The following TMEM156 variants were observed in gnomAD, a reference collection of about 807,000 sequenced individuals.
The protein encoded by TMEM156 is transmembrane protein 156.
A neutral mutation model predicts 30.5 loss-of-function variants in TMEM156; 28 were observed. The ratio of observed to expected loss-of-function variants is 0.92; its 90% CI spans 0.68 to 1.26. The LOEUF (loss-of-function observed/expected upper bound fraction) is 1.26. Among genes scored for constraint, TMEM156 ranks in the 50% most tolerant of loss-of-function variants. TMEM156 has a pLI of 0.00. For synonymous variants in TMEM156, 137 were observed against 119.9 expected, an observed-to-expected ratio of 1.14 and a Z score of -0.93; for missense variants, 351 against 340.6, an observed-to-expected ratio of 1.03 and a Z score of -0.24.
At chr4:38,984,343 C>CTG (rs1332380845) in intron 5 of TMEM156, among the ~76,000 whole-genome samples, 7 of 107,194 alleles carry the variant, frequency 6.5e-5, no homozygotes, top group Non-Finnish European at 1.1e-4. Context: ...GTCTCTCTCT[C>CTG]TCTCTCTGTG....
intron 5 of TMEM156, among the ~76,000 whole-genome samples, chr4:38,978,392 T>C (rs1048555857): frequency 2.0e-5 from 3 of 152,198 alleles, no homozygotes; most frequent in African/African-American, 7.2e-5. Context: ...GTCTGCCTCC[T>C]TGAGCACAAA....
At chr4:39,021,525 G>A (rs1431016704) in intron 1 of TMEM156, among the ~76,000 whole-genome samples, 1 of 152,090 alleles carries the variant, frequency 6.6e-6, no homozygotes, top group Non-Finnish European at 1.5e-5. Context: ...TGCATTGTCT[G>A]AATTCCTTAT....
chr4:38,989,026 G>T, intron 3 of TMEM156, 56 bp from the exon 4 acceptor site: 1 of 1,559,146 alleles, frequency 6.4e-7, no homozygotes, highest in South Asian at 1.1e-5. Context: ...CAGATAAAAG[G>T]CAATGTGGCA....
intron 6 of TMEM156, among the ~76,000 whole-genome samples, chr4:38,968,029 G>A (rs1255237546): frequency 6.6e-6 from 1 of 152,200 alleles, no homozygotes; most frequent in Non-Finnish European, 1.5e-5. Context: ...CCAAAGTTGG[G>A]ACAGTTATTC....
At chr4:38,973,325 T>G (rs930540295) in intron 5 of TMEM156, among the ~76,000 whole-genome samples, 1 of 152,210 alleles carries the variant, frequency 6.6e-6, no homozygotes, top group Non-Finnish European at 1.5e-5. Flanking sequence ...CTTTATATAT[T>G]CGTCTTCCTC....
chr4:38,972,865 C>T (rs1722672567), intron 5 of TMEM156, among the ~76,000 whole-genome samples: 2 of 151,972 alleles, frequency 1.3e-5, no homozygotes, highest in Admixed American at 1.3e-4. Context: ...TAATTTTGCC[C>T]ATTAATTGTT....
chr4:38,991,674 AAC>A (rs72048940), intron 3 of TMEM156, among the ~76,000 whole-genome samples: 54,170 of 151,914 alleles, frequency 0.36, 10,285 homozygotes, highest in East Asian at 0.64. Context: ...TTTTTCCATG[AAC>A]ACACACACAA....
intron 1 of TMEM156, among the ~76,000 whole-genome samples, chr4:39,030,359 C>G (rs6821102): frequency 6.6e-6 from 1 of 151,956 alleles, no homozygotes; most frequent in Non-Finnish European, 1.5e-5. Context: ...TGATGGTTGA[C>G]TATTGACAAG....
intron 1 of TMEM156, among the ~76,000 whole-genome samples, chr4:39,004,511 CT>C (rs1430962936): frequency 1.7e-4 from 26 of 152,124 alleles, no homozygotes; most frequent in Non-Finnish European, 3.1e-4. Context: ...TGAAGCACCC[CT>C]ATCTCTTCTC....
At position 38,990,184 on chromosome 4, in the gene TMEM156, C is replaced by T. The variant is rs184934239; in HGVS notation, c.620-1214G>A. Among the ~76,000 whole-genome samples the T allele has an allele frequency of 1.1e-3, 172 of 152,340 alleles. 1 individual carries two copies. Among genetic ancestry groups the T allele is most frequent in the Non-Finnish European group, 1.8e-3 (125 of 68,034 alleles). ...CTTATGCACCTTAGCAGAATGTATACCATGTTTATACTCTTGGTATGAACT... is the reference window on the plus strand; with the variant it reads ...CTTATGCACCTTAGCAGAATGTATATCATGTTTATACTCTTGGTATGAACT... On this transcript the variant is annotated intron_variant, in intron 3 of 6. Transcript: ENST00000381938.
chr4:39,028,506 G>C (rs1715341029), intron 1 of TMEM156: 1 of 152,126 alleles, frequency 6.6e-6, no homozygotes, highest in South Asian at 2.1e-4. Context: ...GTTAATTCCT[G>C]TATTTTATTT....
At position 38,993,675 on chromosome 4, in the gene TMEM156, T is replaced by C. The variant is rs1247808839; in HGVS notation, c.619+63A>G. The C allele has an allele frequency of 9.7e-6, 14 of 1,439,486 alleles. No homozygotes were observed. In the African/African-American group the frequency reaches 2.0e-4, roughly 20 times the overall value. 89.2% of individuals were successfully genotyped at this position (1,439,486 alleles called of 1,614,324 possible). The stretch of plus-strand genomic sequence containing the variant: ...GGCTTTCAGTTAATGTGATAGCCCT[T>C]ACTTAATTTTACATATCTATATCGG... On this transcript the variant is annotated intron_variant, in intron 3 of 6. Transcript: ENST00000381938.
intron 1 of TMEM156, among the ~76,000 whole-genome samples, chr4:39,014,041 T>C (rs1000802244): frequency 6.6e-6 from 1 of 152,176 alleles, no homozygotes; most frequent in Non-Finnish European, 1.5e-5. Context: ...AAAATGAGTA[T>C]GGCTGCATTC....
Position 38,998,645 on chromosome 4 carries a change from G to C in TMEM156, c.353C>G (p.Ser118Ter). Residue 118 changes from serine (S) to a stop codon, truncating the protein, a stop_gained, in exon 2 of 7, where the codon TCA (serine) becomes TGA (stop). Transcript: ENST00000381938. LOFTEE classifies it high-confidence loss of function. ...CACCTTCACTTTGTGTTTACCTTTT[G>C]ATGTTTGTTCCTGAGAAATAAAATC... ...NMDFISQEQT[S>*]KVLIRRGSME... 8 of 1,607,726 alleles carry C rather than the reference G, an allele frequency of 5.0e-6. No homozygotes were observed. Among genetic ancestry groups the C allele is most frequent in the Non-Finnish European group, 6.8e-6 (8 of 1,176,614 alleles).
At chr4:38,990,830 G>GTTTC (rs1553878600) in intron 3 of TMEM156, among the ~76,000 whole-genome samples, 7,140 of 81,164 alleles carry the variant, frequency 0.088, 556 homozygotes, top group Admixed American at 0.16. Flanking sequence ...TTGTTTTCTG[G>GTTTC]TTTTTTTTTT....
chr4:39,008,146 A>G (rs943198479), intron 1 of TMEM156, among the ~76,000 whole-genome samples: 1 of 152,162 alleles, frequency 6.6e-6, no homozygotes, highest in Non-Finnish European at 1.5e-5. Context: ...AATGTCAAGG[A>G]CGTTCAGTAC....
intron 3 of TMEM156, among the ~76,000 whole-genome samples, chr4:38,990,965 C>T (rs1712410456): frequency 6.7e-6 from 1 of 149,580 alleles, no homozygotes; most frequent in South Asian, 2.1e-4. Flanking sequence ...TCCCGAGTAG[C>T]TGGGTTTACA....
chr4:38,994,337 G>C (rs913820156), intron 2 of TMEM156, among the ~76,000 whole-genome samples: 3 of 152,028 alleles, frequency 2.0e-5, no homozygotes, highest in African/African-American at 7.2e-5. Context: ...TGTTGTCCAG[G>C]CTGGTCTCCA....
intron 1 of TMEM156, among the ~76,000 whole-genome samples, chr4:39,018,996 G>A (rs527668701): frequency 6.7e-6 from 1 of 148,160 alleles, no homozygotes; most frequent in South Asian, 2.1e-4. Flanking sequence ...ACTCCAGCCT[G>A]GGCGACAGAG....
Sources: allele counts gnomAD v4.1 joint callset (sites outside exome capture counted in the v4.1 genomes callset), GRCh38; gene constraint gnomAD v4.1.1; transcripts MANE v1.5; gene names NCBI Gene and HGNC (gene_info 2026-07-23, HGNC 2026-07-21).